LRP4: variants seen among roughly 807,000 people sequenced by gnomAD.
LRP4 encodes the protein low-density lipoprotein receptor-related protein 4.
A neutral mutation model predicts 220.3 loss-of-function variants in LRP4; 95 were observed. The ratio of observed to expected loss-of-function variants is 0.43; its 90% CI spans 0.37 to 0.51. The LOEUF is 0.51. Among genes scored for constraint, LRP4 ranks in the 20% least tolerant of loss-of-function variants. The probability of loss-of-function intolerance (pLI) is 0.00; values close to 1 mark genes in which losing one functional copy is unlikely to be tolerated. For synonymous variants in LRP4, 903 were observed against 954.6 expected (o/e 0.95, Z 1.00); for missense variants, 1,925 against 2,567.0 (o/e 0.75, Z 5.40).
Position 46,883,878 on chromosome 11 carries a change from T to C in LRP4, c.2605A>G (p.Met869Val), listed in dbSNP as rs372599233. ...CAAGGGGCAGCCACTCACCCGCCCA[T>C]GGGTTCCACCACGATGTCCCGAGGA... is the stretch of plus-strand genomic sequence containing the variant. Reference protein sequence around the residue: ...DRPRDIVVEPMGGYMYWTDWG... With the variant: ...DRPRDIVVEPVGGYMYWTDWG... The change falls in exon 19 of 38, where the codon ATG becomes GTG. Residue 869 changes from methionine to valine, a missense_variant. Transcript: ENST00000378623. 6.2e-6 allele frequency: 10 copies of C among 1,613,874 alleles called. No homozygotes were observed. In the African/African-American group the frequency reaches 1.3e-4, roughly 22 times the overall value.
At chr11:46,867,708 G>A (rs1310519220) in intron 34 of LRP4, among the ~76,000 whole-genome samples, 2 of 152,128 alleles carry the variant, frequency 1.3e-5, no homozygotes, top group Non-Finnish European at 2.9e-5. Context: ...TGATCCACCC[G>A]CCTCAGCCTC....
chr11:46,883,105 AT>A (rs1380669260), intron 19 of LRP4, among the ~76,000 whole-genome samples: 1 of 152,230 alleles, frequency 6.6e-6, no homozygotes, highest in South Asian at 2.1e-4. Flanking sequence ...ACAGATTTAA[AT>A]TTTTTTAACA....
intron 18 of LRP4, among the ~76,000 whole-genome samples, chr11:46,884,383 C>T (rs1941232025): frequency 6.6e-6 from 1 of 152,028 alleles, no homozygotes; most frequent in Non-Finnish European, 1.5e-5. Flanking sequence ...GCAAGTGGAT[C>T]ATGAGGTCAG....
chr11:46,873,495 T>C lies in LRP4; in HGVS notation c.4328A>G (p.Tyr1443Cys). The C allele has an allele frequency of 6.2e-7, 1 of 1,614,200 alleles. No homozygotes were observed. Among genetic ancestry groups the C allele is most frequent in the Non-Finnish European group, 8.5e-7 (1 of 1,180,034 alleles). Reference protein sequence around the residue: ...LAVDWVARNLYWTDTGRNTIE... With the variant: ...LAVDWVARNLCWTDTGRNTIE... ...GGTATTTCGACCTGTGTCTGTCCAG[T>C]ACAGGTTCCTGGCCACCCAGTCCAC... Residue 1443 changes from tyrosine (Y) to cysteine (C), a missense_variant, in exon 29 of 38, where the codon TAC (tyrosine) becomes TGC (cysteine). Physicochemically the swap from Tyr to Cys is radical, Grantham distance 194. This residue lies in a region of LRP4 where 1,244 missense variants were observed against 1,624.9 expected (regional missense o/e 0.77). Coordinates refer to ENST00000378623, the MANE Select transcript of LRP4 (RefSeq NM_002334.4). The surrounding 1 kb of genome is among the most constrained non-coding windows in gnomAD (Gnocchi z 4.2).
intron 7 of LRP4, among the ~76,000 whole-genome samples, chr11:46,898,353 G>C (rs993757384): frequency 4.6e-5 from 7 of 152,158 alleles, no homozygotes; most frequent in African/African-American, 1.7e-4. Flanking sequence ...ACCCAGCTAA[G>C]TTTTGTATTT....
chr11:46,888,183 G>A (rs1170004609), intron 16 of LRP4, among the ~76,000 whole-genome samples: 1 of 151,350 alleles, frequency 6.6e-6, no homozygotes, highest in African/African-American at 2.4e-5. Flanking sequence ...TTAGCTGGGT[G>A]TGGTAGTGCA....
intron 36 of LRP4, among the ~76,000 whole-genome samples, chr11:46,863,926 G>A (rs973698198): frequency 6.6e-6 from 1 of 152,146 alleles, no homozygotes; most frequent in Non-Finnish European, 1.5e-5. Flanking sequence ...GCAGCAAACT[G>A]TAAGCTACGT....
chr11:46,886,753 A>C (rs1443979378), intron 16 of LRP4, among the ~76,000 whole-genome samples: 1 of 152,202 alleles, frequency 6.6e-6, no homozygotes, highest in Non-Finnish European at 1.5e-5. Flanking sequence ...AAGGTCCCAG[A>C]AGTGCATGCT....
chr11:46,903,785 C>G (rs909255692), intron 1 of LRP4, among the ~76,000 whole-genome samples: 1 of 152,192 alleles, frequency 6.6e-6, no homozygotes, highest in African/African-American at 2.4e-5. Flanking sequence ...CTGAGTCCCC[C>G]AGGCCACCTC....
Position 46,899,971 on chromosome 11 carries a change from G to A in LRP4, c.322C>T (p.Arg108Trp), listed in dbSNP as rs775191643. Residue 108 changes from arginine to tryptophan, a missense_variant, in exon 4 of 38, where the codon CGG becomes TGG. This residue lies in a region of LRP4 where 412 missense variants were observed against 505.4 expected (regional missense o/e 0.82). Transcript: ENST00000378623. This position sits in a 1 kb window ranked among gnomAD's most constrained non-coding sequence, Gnocchi z 5.9. ...DDSDEQDCPPRECEEDEFPCQ... is the reference protein window; with the variant it reads ...DDSDEQDCPPWECEEDEFPCQ... ...GGAAACTCGTCCTCCTCACACTCCCGGGGGGCTGTGGGCACAGAGCAGTCA... is the reference window on the plus strand; with the variant it reads ...GGAAACTCGTCCTCCTCACACTCCCAGGGGGCTGTGGGCACAGAGCAGTCA... The A allele has an allele frequency of 9.3e-6, 15 of 1,610,070 alleles. No homozygotes were observed. Among genetic ancestry groups the A allele is most frequent in the Admixed American group, 3.3e-5 (2 of 59,990 alleles).
rs369179276 is a variant in LRP4 at position 46,881,782 on chromosome 11, A to G, written c.2734T>C (p.Tyr912His). Reference sequence around the variant, plus strand: ...GCCCAGTATAGACGCTGGGACCCATAATCAATAGCTAACCCATTAGGCCAG... The same window carrying G: ...GCCCAGTATAGACGCTGGGACCCATGATCAATAGCTAACCCATTAGGCCAG... ...LTWPNGLAID[Y>H]GSQRLYWADA... Residue 912 changes from tyrosine (Y) to histidine (H), a missense_variant, in exon 20 of 38, where the codon TAT (tyrosine) becomes CAT (histidine). Physicochemically the swap from Tyr to His is moderately conservative, Grantham distance 83 (BLOSUM62 2). This residue lies in a region of LRP4 where 1,244 missense variants were observed against 1,624.9 expected (regional missense o/e 0.77). Coordinates refer to ENST00000378623, the MANE Select transcript of LRP4 (RefSeq NM_002334.4). 11 of 1,614,066 alleles carry G rather than the reference A, an allele frequency of 6.8e-6. No individual in the cohort carries two copies. In the African/African-American group the frequency reaches 1.3e-4, roughly 20 times the overall value.
chr11:46,879,731 A>G (rs1941107066), intron 20 of LRP4, among the ~76,000 whole-genome samples: 1 of 152,268 alleles, frequency 6.6e-6, no homozygotes, highest in Non-Finnish European at 1.5e-5. Flanking sequence ...ACATGACTTC[A>G]CTTAGTGTAG....
At chr11:46,910,029 C>T (rs1941830275) in intron 1 of LRP4, among the ~76,000 whole-genome samples, 2 of 152,122 alleles carry the variant, frequency 1.3e-5, no homozygotes, top group African/African-American at 4.8e-5. Flanking sequence ...TCCTAGAGGC[C>T]AGCTTAACTT....
intron 22 of LRP4, among the ~76,000 whole-genome samples, chr11:46,878,411 C>T (rs2134805363): frequency 6.6e-6 from 1 of 151,082 alleles, no homozygotes; most frequent in South Asian, 2.1e-4. Flanking sequence ...TCCCAAGTAG[C>T]TGGGATTACG....
intron 1 of LRP4, among the ~76,000 whole-genome samples, chr11:46,905,748 A>T (rs1941748995): frequency 2.6e-5 from 4 of 151,516 alleles, no homozygotes; most frequent in Admixed American, 2.6e-4. Context: ...GCTACTTGGG[A>T]GGCTGAGGCA....
At position 46,894,825 on chromosome 11, in the gene LRP4, A is replaced by C. The variant is rs751447952; in HGVS notation, c.1310-6T>G. On this transcript the variant is annotated splice_region_variant and splice_polypyrimidine_tract_variant and intron_variant, in intron 11 of 37. Transcript: ENST00000378623. ...CAGCAGCACAGGCTCTGGCCCTGGGAAACAGTATAAACATGGGATACCCAC... is the reference window on the plus strand; with the variant it reads ...CAGCAGCACAGGCTCTGGCCCTGGGCAACAGTATAAACATGGGATACCCAC... 3 of 1,612,252 alleles carry C rather than the reference A, an allele frequency of 1.9e-6. No homozygotes were observed. The highest frequency in any genetic ancestry group is 2.2e-5 in the South Asian group (2 of 91,058).
intron 32 of LRP4, 103 bp from the exon 33 acceptor site, chr11:46,868,816 G>A (rs546643237): frequency 1.6e-6 from 2 of 1,216,144 alleles, no homozygotes; most frequent in South Asian, 2.4e-5. Flanking sequence ...TACTCCCAGG[G>A]ACAGGGGAGG....
At chr11:46,903,641 C>T (rs892892556) in intron 1 of LRP4, among the ~76,000 whole-genome samples, 9 of 152,316 alleles carry the variant, frequency 5.9e-5, no homozygotes, top group South Asian at 2.1e-4. Flanking sequence ...GAGATATGGA[C>T]GCTCTGCCTC....
At chr11:46,888,014 CAAAAAAAAAAAA>C (rs59369000) in intron 16 of LRP4, among the ~76,000 whole-genome samples, 10 of 45,910 alleles carry the variant, frequency 2.2e-4, no homozygotes, top group African/African-American at 4.3e-4. Flanking sequence ...GACCCTGTCT[CAAAAAAAAAAAA>C]AAAAAAAAAA....
Sources: allele counts gnomAD v4.1 joint callset (sites outside exome capture counted in the v4.1 genomes callset), GRCh38; gene constraint gnomAD v4.1.1; regional missense constraint gnomAD v4.1.1; non-coding constraint Gnocchi (gnomAD v3.1); transcripts MANE v1.5; gene names NCBI Gene and HGNC (gene_info 2026-07-23, HGNC 2026-07-21).